The following GSG1L variants were observed in gnomAD, a reference collection of about 807,000 sequenced individuals.
GSG1L encodes GSG1 like.
A neutral mutation model predicts 42.1 loss-of-function variants in GSG1L; 24 were observed. The ratio of observed to expected loss-of-function variants is 0.57; its 90% CI spans 0.41 to 0.80. The LOEUF is 0.80. Among genes scored for constraint, GSG1L ranks in the 30% least tolerant of loss-of-function variants. The pLI, the probability that GSG1L is intolerant of heterozygous loss-of-function variation, is 0.00. For missense variants in GSG1L, 445 were observed against 472.2 expected, an observed-to-expected ratio of 0.94 and a Z score of 0.53; for synonymous variants, 215 against 203.5, an observed-to-expected ratio of 1.06 and a Z score of -0.48.
At chr16:27,880,336 G>A (rs950213546) in intron 3 of GSG1L, among the ~76,000 whole-genome samples, 4 of 152,136 alleles carry the variant, frequency 2.6e-5, no homozygotes, top group African/African-American at 7.2e-5. Flanking sequence ...TCCACCACTT[G>A]CTACCTCAGT....
chr16:27,869,264 T>C (rs1049874387), intron 3 of GSG1L, among the ~76,000 whole-genome samples: 2 of 151,538 alleles, frequency 1.3e-5, no homozygotes, highest in Non-Finnish European at 2.9e-5. Flanking sequence ...CCTTCAAGGC[T>C]CCGGGAATTG....
At chr16:27,997,746 A>G (rs1295478629) in intron 1 of GSG1L, among the ~76,000 whole-genome samples, 1 of 151,580 alleles carries the variant, frequency 6.6e-6, no homozygotes, top group African/African-American at 2.4e-5. Flanking sequence ...GGTTACATGG[A>G]TGAATTGTGT....
intron 3 of GSG1L, among the ~76,000 whole-genome samples, chr16:27,883,393 G>A (rs1465775518): frequency 2.6e-5 from 4 of 152,148 alleles, no homozygotes; most frequent in Admixed American, 2.6e-4. Context: ...TGTGACAATT[G>A]TTCTATTTTT....
In GSG1L at chr16:28,023,080, C is replaced by G. The variant is rs115845178; in HGVS notation, c.349+39996G>C. Among the ~76,000 whole-genome samples the G allele has an allele frequency of 4.5e-3, 678 of 152,326 alleles. 8 individuals are homozygous for G. The highest frequency in any genetic ancestry group is 0.015 in the African/African-American group (640 of 41,568). ...CTGGCATCAAGCGATCCTCCCACTT[C>G]AGCCTCCCAAAATGCGGGGATTGTA... On this transcript the variant is annotated intron_variant, in intron 1 of 6. Coordinates refer to ENST00000447459, the MANE Select transcript of GSG1L (RefSeq NM_001109763.2).
chr16:27,963,104 GATGTCCCC>G, intron 2 of GSG1L, 44 bp downstream of exon 2: 1 of 1,507,172 alleles, frequency 6.6e-7, no homozygotes, highest in Non-Finnish European at 9.2e-7. Context: ...AGGTAGGAAA[GATGTCCCC>G]AGAGAGAGCA....
chr16:27,929,600 T>G (rs1188565804), intron 2 of GSG1L, among the ~76,000 whole-genome samples: 1 of 152,224 alleles, frequency 6.6e-6, no homozygotes, highest in Non-Finnish European at 1.5e-5. Context: ...TGAAGTAGTT[T>G]GAGTCCTGGA....
chr16:28,053,630 T>A (rs1328409960), intron 1 of GSG1L, among the ~76,000 whole-genome samples: 3 of 152,186 alleles, frequency 2.0e-5, no homozygotes, highest in Non-Finnish European at 4.4e-5. Flanking sequence ...CGTGTGCTGC[T>A]ACCGCCTCCC....
At chr16:27,997,907 T>G (rs1374979738) in intron 1 of GSG1L, among the ~76,000 whole-genome samples, 5 of 138,588 alleles carry the variant, frequency 3.6e-5, no homozygotes, top group Admixed American at 2.3e-4. Flanking sequence ...CTACCCAGGC[T>G]GGAGTGCAGC....
intron 2 of GSG1L, among the ~76,000 whole-genome samples, chr16:27,885,030 C>A (rs1351121376): frequency 6.6e-6 from 1 of 152,186 alleles, no homozygotes; most frequent in Non-Finnish European, 1.5e-5. Flanking sequence ...ATCACCAGCC[C>A]TCGGAGCTGC....
intron 2 of GSG1L, among the ~76,000 whole-genome samples, chr16:27,890,801 G>A (rs1184433312): frequency 6.6e-6 from 1 of 152,234 alleles, no homozygotes; most frequent in Non-Finnish European, 1.5e-5. Context: ...CACTCCCTGT[G>A]TATCTGCTGT....
At chr16:27,976,271 A>G (rs1046031399) in intron 1 of GSG1L, among the ~76,000 whole-genome samples, 4 of 152,132 alleles carry the variant, frequency 2.6e-5, no homozygotes, top group Non-Finnish European at 5.9e-5. Flanking sequence ...GCAAAACTCC[A>G]TCTCAATAAT....
intron 1 of GSG1L, among the ~76,000 whole-genome samples, chr16:28,028,066 G>A (rs913457137): frequency 6.6e-5 from 10 of 152,138 alleles, no homozygotes; most frequent in Admixed American, 1.3e-4. Context: ...GGCTGGTCAC[G>A]TACATGTGTC....
intron 2 of GSG1L, among the ~76,000 whole-genome samples, chr16:27,933,393 T>C (rs2084677699): frequency 6.6e-6 from 1 of 152,040 alleles, no homozygotes. Flanking sequence ...ACACCTGGAA[T>C]CCCAGCACTT....
chr16:27,867,041 A>C (rs2083736520), intron 3 of GSG1L, among the ~76,000 whole-genome samples: 1 of 152,200 alleles, frequency 6.6e-6, no homozygotes, highest in Non-Finnish European at 1.5e-5. Flanking sequence ...TGTGTCTTCC[A>C]ATCCTCTCCT....
In GSG1L at chr16:27,909,119, C is replaced by T. The variant is rs190688371; in HGVS notation, c.398-24481G>A. 4.5e-3 allele frequency among the ~76,000 whole-genome samples: 679 copies of T among 152,156 alleles called. 1 individual carries two copies. The highest frequency in any genetic ancestry group is 0.01 in the Middle Eastern group (3 of 294). ...ATAACATCACCCATCTAGTAGATAT[C>T]CCATGGGAGGGGCTTCATGTAGTGT... On this transcript the variant is annotated intron_variant, in intron 2 of 6. Transcript: ENST00000447459.
rs530289484 is a variant in GSG1L at position 27,791,481 on chromosome 16, AG to A, written c.899-15del. The A allele has an allele frequency of 6.8e-5, 100 of 1,461,378 alleles. 2 individuals are homozygous for A. In the South Asian group the frequency reaches 1.4e-3, roughly 20 times the overall value. 90.5% of individuals were successfully genotyped at this position (1,461,378 alleles called of 1,614,324 possible). ...GTGGCTGGTGTCCTGCCAGGAGACA[AG>A]GCGGTCAGTGCTGAAAGCCACCTTC... On this transcript the variant is annotated splice_polypyrimidine_tract_variant and intron_variant, in intron 6 of 6. Transcript: ENST00000447459.
At chr16:28,042,419 G>C (rs371542254) in intron 1 of GSG1L, among the ~76,000 whole-genome samples, 2 of 135,840 alleles carry the variant, frequency 1.5e-5, no homozygotes, top group African/African-American at 5.8e-5. Context: ...CTGGGCAACA[G>C]AGCGAAACTC....
rs2084000037 is a variant in GSG1L at position 27,884,303 on chromosome 16, T to C, written c.550+183A>G. Among the ~76,000 whole-genome samples, 1 of 152,244 alleles carries C rather than the reference T, an allele frequency of 6.6e-6. No homozygotes were observed. Among genetic ancestry groups the C allele is most frequent in the South Asian group, 2.1e-4 (1 of 4,832 alleles). On this transcript the variant is annotated intron_variant, in intron 3 of 6. Coordinates refer to ENST00000447459, the MANE Select transcript of GSG1L (RefSeq NM_001109763.2). This position sits in a 1 kb window ranked among gnomAD's most constrained non-coding sequence, Gnocchi z 4.4. ...ATAGCCTTAGTACCTGGTCTGGTGC[T>C]TAGCATGTATTAGATGCTCAGTCAA...
chr16:27,966,171 G>T (rs559257385), intron 1 of GSG1L, among the ~76,000 whole-genome samples: 105 of 152,264 alleles, frequency 6.9e-4, no homozygotes, highest in Admixed American at 2.6e-3. Context: ...TCTTCCCAAG[G>T]AGGCCTTTCC....
Sources: allele counts gnomAD v4.1 joint callset (sites outside exome capture counted in the v4.1 genomes callset), GRCh38; gene constraint gnomAD v4.1.1; non-coding constraint Gnocchi (gnomAD v3.1); transcripts MANE v1.5; gene names NCBI Gene and HGNC (gene_info 2026-07-23, HGNC 2026-07-21).